Variants in HTRA2 observed in about 807,000 individuals in gnomAD.
HTRA2 encodes the protein serine protease HTRA2, mitochondrial.
In HTRA2, 24 loss-of-function variants were observed where a neutral mutation model predicts 42.2. The observed-to-expected ratio is 0.57, with a 90% confidence interval of 0.41 to 0.80. HTRA2 has a LOEUF of 0.80. HTRA2 is among the 30% of genes least tolerant of loss of function. HTRA2 has a pLI of 0.00. For missense variants in HTRA2, 466 were observed against 613.5 expected, an observed-to-expected ratio of 0.76 and a Z score of 2.54; for synonymous variants, 245 against 255.8, an observed-to-expected ratio of 0.96 and a Z score of 0.40.
At chr2:74,531,468 A>G (rs1368214662) in intron 4 of HTRA2, 97 bp downstream of exon 4, 1 of 1,607,212 alleles carries the variant, frequency 6.2e-7, no homozygotes, top group Admixed American at 1.7e-5. Flanking sequence ...CAAGTTTCTG[A>G]GCAGTTCTTT....
intron 6 of HTRA2, chr2:74,532,326 T>G: frequency 2.1e-6 from 1 of 485,886 alleles, no homozygotes; most frequent in Non-Finnish European, 3.7e-6. Context: ...TCCATCCTTT[T>G]AGGCTCAACT....
chr2:74,530,722 C>T lies in HTRA2; in HGVS notation c.612C>T (p.Arg204=). ...VTNAHVVADR[R]RVRVRLLSGD... is the part of the protein sequence containing the mutation. ...ACGCCCATGTGGTGGCTGATCGGCG[C>T]AGAGTCCGTGTGAGACTGCTAAGCG... Residue 204 remains arginine, a synonymous_variant, in exon 2 of 8, where the codon CGC becomes CGT. Transcript: ENST00000258080. This position sits in a 1 kb window ranked among gnomAD's most constrained non-coding sequence, Gnocchi z 7.4. 6.2e-7 allele frequency: 1 copy of T among 1,614,194 alleles called. No homozygotes were observed. Among genetic ancestry groups the T allele is most frequent in the Non-Finnish European group, 8.5e-7 (1 of 1,180,032 alleles).
chr2:74,529,865 C>T (rs1675454357), upstream of HTRA2: 2 of 1,414,380 alleles, frequency 1.4e-6, no homozygotes, highest in Non-Finnish European at 1.9e-6. Flanking sequence ...AGGGAGGAGT[C>T]GGCCTCCCGG....
Position 74,530,273 on chromosome 2 carries a change from T to C in HTRA2, c.267T>C (p.Asp89=). 6.2e-7 allele frequency: 1 copy of C among 1,606,772 alleles called. No homozygotes were observed. Among genetic ancestry groups the C allele is most frequent in the Non-Finnish European group, 8.5e-7 (1 of 1,176,050 alleles). ...CACAACTGACTGCGGTGACCCCAGA[T>C]ACCAGGACCCGGGAGGCCTCAGAGA... ...PRAQLTAVTP[D]TRTREASENS... is the part of the protein sequence containing the mutation. The change falls in exon 1 of 8, where the codon GAT becomes GAC. Residue 89 remains aspartate, a synonymous_variant. Transcript: ENST00000258080. The surrounding 1 kb of genome is among the most constrained non-coding windows in gnomAD (Gnocchi z 7.4).
In HTRA2 at chr2:74,532,731, A is replaced by G; in HGVS notation, c.1211+17A>G. 6.2e-7 allele frequency: 1 copy of G among 1,612,828 alleles called. No homozygotes were observed. The highest frequency in any genetic ancestry group is 8.5e-7 in the Non-Finnish European group (1 of 1,178,862). On this transcript the variant is annotated intron_variant, in intron 7 of 7. Coordinates refer to ENST00000258080, the MANE Select transcript of HTRA2 (RefSeq NM_013247.5). ...TGCACACCGGTGAGGGAGAGGCTGC[A>G]GTGTGATATGGGGATGGGCAAGGTG... is the stretch of plus-strand genomic sequence containing the variant.
rs776054014 is a variant in HTRA2 at position 74,530,311 on chromosome 2, G to A, written c.305G>A (p.Arg102His). 2.7e-5 allele frequency: 43 copies of A among 1,598,394 alleles called. No homozygotes were observed. In the South Asian group the frequency reaches 4.8e-4, roughly 18 times the overall value. ...TREASENSGTRSRAWLAVALG... is the reference protein window; with the variant it reads ...TREASENSGTHSRAWLAVALG... ...GAGGCCTCAGAGAACTCTGGAACCC[G>A]TTCGCGCGCGTGGCTGGCGGTGGCG... is the stretch of plus-strand genomic sequence containing the variant. The change falls in exon 1 of 8, where the codon CGT (arginine) becomes CAT (histidine). Residue 102 changes from arginine to histidine, a missense_variant. Arg to His is a conservative substitution (Grantham distance 29, BLOSUM62 0). This residue lies in a region of HTRA2 where 222 missense variants were observed against 205.1 expected (regional missense o/e 1.08). Transcript: ENST00000258080. This position sits in a 1 kb window ranked among gnomAD's most constrained non-coding sequence, Gnocchi z 7.4.
intron 6 of HTRA2, 171 bp from the exon 7 acceptor site, chr2:74,532,448 A>G (rs967545111): frequency 3.0e-6 from 2 of 671,362 alleles, no homozygotes; most frequent in East Asian, 2.8e-5. Flanking sequence ...TTTTATGTAC[A>G]TGTTGCACTT....
downstream of HTRA2, chr2:74,533,428 T>A (rs71640296): frequency 6.6e-4 from 403 of 606,546 alleles, 3 homozygotes; most frequent in East Asian, 9.9e-3. Context: ...TGGCTACAGA[T>A]ACTGACAGCT....
chr2:74,529,534 G>A (rs754821456), upstream of HTRA2: 96 of 1,549,746 alleles, frequency 6.2e-5, no homozygotes, highest in Non-Finnish European at 8.1e-5. Flanking sequence ...AGGCGCCGAA[G>A]GCCGAGAGCA....
intron 5 of HTRA2, 69 bp from the exon 6 acceptor site, chr2:74,531,787 T>G (rs1446461527): frequency 1.2e-6 from 2 of 1,611,338 alleles, no homozygotes; most frequent in South Asian, 1.1e-5. Context: ...TGGAGGGTGG[T>G]CTACTGGGAG....
At position 74,530,289 on chromosome 2, in the gene HTRA2, G is replaced by T; in HGVS notation, c.283G>T (p.Ala95Ser). Residue 95 changes from alanine to serine, a missense_variant, in exon 1 of 8, where the codon GCC (alanine) becomes TCC (serine). Physicochemically the swap from Ala to Ser is moderately conservative, Grantham distance 99 (BLOSUM62 1). This residue lies in a region of HTRA2 where 222 missense variants were observed against 205.1 expected (regional missense o/e 1.08). Transcript: ENST00000258080. This position sits in a 1 kb window ranked among gnomAD's most constrained non-coding sequence, Gnocchi z 7.4. ...GACCCCAGATACCAGGACCCGGGAG[G>T]CCTCAGAGAACTCTGGAACCCGTTC... ...AVTPDTRTRE[A>S]SENSGTRSRA... is the part of the protein sequence containing the mutation. 1 of 1,603,596 alleles carries T rather than the reference G, an allele frequency of 6.2e-7. No homozygotes were observed. Among genetic ancestry groups the T allele is most frequent in the Non-Finnish European group, 8.5e-7 (1 of 1,173,650 alleles).
At chr2:74,529,876 A>C (rs1355314817), upstream of HTRA2, 4 of 1,427,808 alleles carry the variant, frequency 2.8e-6, no homozygotes, top group African/African-American at 5.7e-5. Context: ...GGCCTCCCGG[A>C]ATCCTGGTCC....
In HTRA2 at chr2:74,533,069, G is replaced by A. The variant is rs1035118940; in HGVS notation, c.*84G>A. The A allele has an allele frequency of 1.9e-5, 27 of 1,388,316 alleles. No homozygotes were observed. The highest frequency in any genetic ancestry group is 2.6e-5 in the Non-Finnish European group (26 of 986,856). 86.0% of individuals were successfully genotyped at this position (1,388,316 alleles called of 1,614,324 possible). On this transcript the variant is annotated 3_prime_UTR_variant, in exon 8 of 8. Transcript: ENST00000258080. Reference sequence around the variant, plus strand: ...GGTTCTGAGGGCACCGAGACAGAGGGTTAAATGAACCAGTGGGGGCAGGTC... The same window carrying A: ...GGTTCTGAGGGCACCGAGACAGAGGATTAAATGAACCAGTGGGGGCAGGTC...
chr2:74,532,367 T>TAA (rs1177871307), intron 6 of HTRA2: 1 of 521,440 alleles, frequency 1.9e-6, no homozygotes, highest in African/African-American at 1.9e-5. Flanking sequence ...CTTCTCTTAG[T>TAA]ATTCTAGAAT....
At chr2:74,529,696 C>T (rs780821786), upstream of HTRA2, 8 of 1,537,302 alleles carry the variant, frequency 5.2e-6, no homozygotes, top group Non-Finnish European at 7.0e-6. Context: ...CGCAGGGGCT[C>T]TTGGGAAGGC....
chr2:74,532,112 C>G (rs1008997759), intron 6 of HTRA2, among the ~76,000 whole-genome samples, 187 bp downstream of exon 6: 1 of 152,214 alleles, frequency 6.6e-6, no homozygotes, highest in Non-Finnish European at 1.5e-5. Flanking sequence ...ACACCTGTCA[C>G]CAGATTGATT....
intron 6 of HTRA2, 84 bp from the exon 7 acceptor site, chr2:74,532,535 A>G (rs766470852): frequency 1.0e-5 from 10 of 998,868 alleles, no homozygotes; most frequent in Admixed American, 1.9e-5. Flanking sequence ...ATATTTATCA[A>G]TGTGTTGATG....
intron 5 of HTRA2, 74 bp from the exon 6 acceptor site, chr2:74,531,782 G>A (rs975031143): frequency 1.1e-5 from 17 of 1,611,596 alleles, no homozygotes; most frequent in Middle Eastern, 1.9e-4. Context: ...CTTCCTGGAG[G>A]GTGGTCTACT....
Position 74,530,919 on chromosome 2 carries a change from C to T in HTRA2, c.720C>T (p.Leu240=), listed in dbSNP as rs1187215979. 1.9e-6 allele frequency: 3 copies of T among 1,614,050 alleles called. No individual in the cohort carries two copies. The highest frequency in any genetic ancestry group is 2.5e-6 in the Non-Finnish European group (3 of 1,180,048). Residue 240 remains leucine (L), a synonymous_variant, in exon 3 of 8, where the codon CTC becomes CTT. Transcript: ENST00000258080. This position sits in a 1 kb window ranked among gnomAD's most constrained non-coding sequence, Gnocchi z 7.4. ...TACCCATTCTCCCTTAGGAGCCTCT[C>T]CCCACGCTGCCTCTGGGACGCTCAG... ...ATLRIQTKEP[L]PTLPLGRSAD...
Sources: allele counts gnomAD v4.1 joint callset (sites outside exome capture counted in the v4.1 genomes callset), GRCh38; gene constraint gnomAD v4.1.1; regional missense constraint gnomAD v4.1.1; non-coding constraint Gnocchi (gnomAD v3.1); transcripts MANE v1.5; gene names NCBI Gene and HGNC (gene_info 2026-07-23, HGNC 2026-07-21).